SFRP4: variants seen among roughly 807,000 people sequenced by gnomAD.
SFRP4 encodes the protein secreted frizzled-related protein 4.
SFRP4 carries 25 observed loss-of-function variants against 36.3 expected under a neutral mutation model. The observed-to-expected ratio is 0.69, with a 90% confidence interval of 0.50 to 0.96. SFRP4 has a LOEUF of 0.96. Ranked by LOEUF, SFRP4 falls within the 40% of genes least tolerant of loss-of-function variation. The pLI, the probability that SFRP4 is intolerant of heterozygous loss-of-function variation, is 0.00. For synonymous variants in SFRP4, 182 were observed against 168.8 expected (o/e 1.08, Z -0.60); for missense variants, 487 against 459.6 (o/e 1.06, Z -0.54).
Position 37,906,986 on chromosome 7 carries a change from T to A in SFRP4, c.*493A>T, listed in dbSNP as rs1035814549. 6.6e-6 allele frequency: 1 copy of A among 152,308 alleles called. No individual in the cohort carries two copies. The highest frequency in any genetic ancestry group is 2.4e-5 in the African/African-American group (1 of 41,460). The allele number at this position is 152,308 out of a possible 1,614,324, so 9.4% of individuals were successfully genotyped here. ...TGCAGACCATAAACACATAAAGATC[T>A]TTTAGACATTCATTCCACTACTGTT... On this transcript the variant is annotated 3_prime_UTR_variant, in exon 6 of 6. Transcript: ENST00000436072.
rs139103759 is a variant in SFRP4, at chr7:37,916,451, G to T, written c.87C>A (p.Ile29=). Residue 29 remains isoleucine (I), a synonymous_variant, in exon 1 of 6, where the codon ATC becomes ATA. Coordinates refer to ENST00000436072, the MANE Select transcript of SFRP4 (RefSeq NM_003014.4). The surrounding 1 kb of genome is among the most constrained non-coding windows in gnomAD (Gnocchi z 4.1). ...VRGAPCEAVR[I]PMCRHMPWNI... is the part of the protein sequence containing the mutation. ...TCCAGGGCATGTGCCGGCACATAGG[G>T]ATGCGCACCGCCTCGCAGGGCGCGC... 2 of 1,613,640 alleles carry T rather than the reference G, an allele frequency of 1.2e-6. No individual in the cohort carries two copies. Among genetic ancestry groups the T allele is most frequent in the Admixed American group, 3.3e-5 (2 of 59,996 alleles).
chr7:37,907,404 C>T lies in SFRP4; in HGVS notation c.*75G>A. 1 of 1,326,472 alleles carries T rather than the reference C, an allele frequency of 7.5e-7. No homozygotes were observed. Among genetic ancestry groups the T allele is most frequent in the Non-Finnish European group, 1.1e-6 (1 of 948,160 alleles). The allele number at this position is 1,326,472 out of a possible 1,614,324, so 82.2% of individuals were successfully genotyped here. On this transcript the variant is annotated 3_prime_UTR_variant, in exon 6 of 6. Transcript: ENST00000436072. The stretch of plus-strand genomic sequence containing the variant: ...TTAGGGCAAGGGGCACATGGCCTTA[C>T]ATAGGCTGTCCCAGGCAATGCCCAG...
At chr7:37,909,907 G>T in intron 4 of SFRP4, 1 of 287,884 alleles carries the variant, frequency 3.5e-6, no homozygotes, top group Non-Finnish European at 6.4e-6. Context: ...ATTTCCTTTT[G>T]TCATTATATG....
chr7:37,907,234 G>A lies in SFRP4; in HGVS notation c.*245C>T, dbSNP rs1454141901. 2.5e-6 allele frequency: 1 copy of A among 398,862 alleles called. No homozygotes were observed. Among genetic ancestry groups the A allele is most frequent in the Non-Finnish European group, 4.5e-6 (1 of 224,446 alleles). 24.7% of individuals were successfully genotyped at this position (398,862 alleles called of 1,614,324 possible). On this transcript the variant is annotated 3_prime_UTR_variant, in exon 6 of 6. Transcript: ENST00000436072. ...GGTTACTCTGAATGCAATGCAATAA[G>A]CCTTTTCCACCAGCTTTAACTCACC...
Position 37,916,486 on chromosome 7 carries a change from C to T in SFRP4, c.52G>A (p.Gly18Ser). The T allele has an allele frequency of 6.2e-7, 1 of 1,612,730 alleles. No homozygotes were observed. The highest frequency in any genetic ancestry group is 8.5e-7 in the Non-Finnish European group (1 of 1,179,576). The change falls in exon 1 of 6, where the codon GGC becomes AGC. Residue 18 changes from glycine (G) to serine (S), a missense_variant. Transcript: ENST00000436072. The surrounding 1 kb of genome is among the most constrained non-coding windows in gnomAD (Gnocchi z 4.1). Reference protein sequence around the residue: ...ALCLWLHLALGVRGAPCEAVR... With the variant: ...ALCLWLHLALSVRGAPCEAVR... ...GCCTCGCAGGGCGCGCCGCGCACGC[C>T]CAGCGCCAGGTGCAGCCACAGGCAC...
At position 37,907,860 on chromosome 7, in the gene SFRP4, G is replaced by A. The variant is rs190754950; in HGVS notation, c.856-196C>T. Among the ~76,000 whole-genome samples the A allele has an allele frequency of 3.9e-5, 6 of 152,280 alleles. No homozygotes were observed. The East Asian group carries it at 1.2e-3, about 29-fold the overall frequency. ...TCAGTGTGTGATGAAGTTTCCACAT[G>A]CATTCATTTCATTGAAACAACAGTC... On this transcript the variant is annotated intron_variant, in intron 5 of 5. Transcript: ENST00000436072.
At chr7:37,910,488 T>C (rs1162856374) in intron 4 of SFRP4, among the ~76,000 whole-genome samples, 1 of 152,004 alleles carries the variant, frequency 6.6e-6, no homozygotes, top group Admixed American at 6.6e-5. Context: ...TCATTATTTG[T>C]GATTTTTATA....
In SFRP4 at chr7:37,906,087, A is replaced by G. The variant is rs932526661; in HGVS notation, c.*1392T>C. On this transcript the variant is annotated 3_prime_UTR_variant, in exon 6 of 6. Transcript: ENST00000436072. Reference sequence around the variant, plus strand: ...TTTCTTGACAGGAAAACTTATCTCAATAAAGGGCCAAGCAAAGGAGGCAGG... The same window carrying G: ...TTTCTTGACAGGAAAACTTATCTCAGTAAAGGGCCAAGCAAAGGAGGCAGG... 6.6e-6 allele frequency: 1 copy of G among 152,174 alleles called. No homozygotes were observed. Among genetic ancestry groups the G allele is most frequent in the African/African-American group, 2.4e-5 (1 of 41,438 alleles). 9.4% of individuals were successfully genotyped at this position (152,174 alleles called of 1,614,324 possible).
chr7:37,916,183 A>G lies in SFRP4; in HGVS notation c.355T>C (p.Trp119Arg), dbSNP rs368945306. 2.8e-5 allele frequency: 45 copies of G among 1,614,048 alleles called. No homozygotes were observed. The highest frequency in any genetic ancestry group is 3.7e-5 in the Non-Finnish European group (44 of 1,180,050). The change falls in exon 1 of 6, where the codon TGG (tryptophan) becomes CGG (arginine). Residue 119 changes from tryptophan (W) to arginine (R), a missense_variant. Coordinates refer to ENST00000436072, the MANE Select transcript of SFRP4 (RefSeq NM_003014.4). The surrounding 1 kb of genome is among the most constrained non-coding windows in gnomAD (Gnocchi z 4.1). ...TCGTCGCAGGCCAGGCTTTCGGGCC[A>G]GCTGTGGTTGTACATCTTCATGAGG... ...EPLMKMYNHSWPESLACDELP... is the reference protein window; with the variant it reads ...EPLMKMYNHSRPESLACDELP...
At position 37,912,293 on chromosome 7, in the gene SFRP4, A is replaced by G. The variant is rs1785505733; in HGVS notation, c.617T>C (p.Val206Ala). The G allele has an allele frequency of 6.2e-7, 1 of 1,614,118 alleles. No homozygotes were observed. The highest frequency in any genetic ancestry group is 8.5e-7 in the Non-Finnish European group (1 of 1,179,928). ...SYVIHAKIKA[V>A]QRSGCNEVTT... The stretch of plus-strand genomic sequence containing the variant: ...GACCTCATTGCAGCCACTCCTCTGC[A>G]CAGCTTTTATTTTGGCATGAATAAC... The change falls in exon 4 of 6, where the codon GTG becomes GCG. Residue 206 changes from valine (V) to alanine (A), a missense_variant. Transcript: ENST00000436072.
Position 37,916,099 on chromosome 7 carries a change from G to C in SFRP4, c.439C>G (p.Pro147Ala). ...ATCCTTCCTACGGCCTCACCCTCCG[G>C]GAGGTCCGTGACGATGGCTTCAGGC... ...ISPEAIVTDL[P>A]EDVKWIDITP... Residue 147 changes from proline (P) to alanine (A), a missense_variant, in exon 1 of 6, where the codon CCG (proline) becomes GCG (alanine). Physicochemically the swap from Pro to Ala is conservative, Grantham distance 27. Transcript: ENST00000436072. This position sits in a 1 kb window ranked among gnomAD's most constrained non-coding sequence, Gnocchi z 4.1. 2 of 1,611,124 alleles carry C rather than the reference G, an allele frequency of 1.2e-6. No individual in the cohort carries two copies. Among genetic ancestry groups the C allele is most frequent in the Non-Finnish European group, 1.7e-6 (2 of 1,177,848 alleles).
chr7:37,915,691 G>A (rs2131990300), intron 1 of SFRP4, among the ~76,000 whole-genome samples: 1 of 152,042 alleles, frequency 6.6e-6, no homozygotes, highest in South Asian at 2.1e-4. Flanking sequence ...AAGAAGTAGC[G>A]CTAAATGGAA....
chr7:37,916,673 T>C lies in SFRP4; in HGVS notation c.-136A>G. On this transcript the variant is annotated 5_prime_UTR_variant, in exon 1 of 6. Coordinates refer to ENST00000436072, the MANE Select transcript of SFRP4 (RefSeq NM_003014.4). This position sits in a 1 kb window ranked among gnomAD's most constrained non-coding sequence, Gnocchi z 4.1. ...GAGAGTTTCTTCCCCCAAACTCCAGTCGGCAGCAAAGCGGGGCCGCGGGGT... is the reference window on the plus strand; with the variant it reads ...GAGAGTTTCTTCCCCCAAACTCCAGCCGGCAGCAAAGCGGGGCCGCGGGGT... 7.4e-7 allele frequency: 1 copy of C among 1,344,792 alleles called. No individual in the cohort carries two copies. Among genetic ancestry groups the C allele is most frequent in the Non-Finnish European group, 9.9e-7 (1 of 1,010,006 alleles). The allele number at this position is 1,344,792 out of a possible 1,614,324, so 83.3% of individuals were successfully genotyped here. A position where few individuals can be genotyped will look rare whatever the true frequency, so the allele number is the denominator to read the frequency against.
At position 37,912,203 on chromosome 7, in the gene SFRP4, G is replaced by A. The variant is rs773522363; in HGVS notation, c.707C>T (p.Pro236Leu). Residue 236 changes from proline to leucine, a missense_variant, in exon 4 of 6, where the codon CCG (proline) becomes CTG (leucine). Pro to Leu is a moderately conservative substitution (Grantham distance 98, BLOSUM62 -3). Transcript: ENST00000436072. ...SSSPIPRTQV[P>L]LITNSSCQCP... is the part of the protein sequence containing the mutation. Reference sequence around the variant, plus strand: ...CTGGCAAGAAGAATTTGTAATGAGCGGGACTTGAGTTCGAGGGATGGGTGA... The same window carrying A: ...CTGGCAAGAAGAATTTGTAATGAGCAGGACTTGAGTTCGAGGGATGGGTGA... 9 of 1,614,104 alleles carry A rather than the reference G, an allele frequency of 5.6e-6. No individual in the cohort carries two copies. The highest frequency in any genetic ancestry group is 3.3e-5 in the Admixed American group (2 of 60,018).
chr7:37,911,107 A>C (rs920870132), intron 4 of SFRP4, among the ~76,000 whole-genome samples: 1 of 152,238 alleles, frequency 6.6e-6, no homozygotes, highest in African/African-American at 2.4e-5. Flanking sequence ...CTAGCACTGC[A>C]GCAGATGCAA....
rs1415225723 is a variant in SFRP4 at position 37,906,636 on chromosome 7, T to C, written c.*843A>G. 1 of 152,128 alleles carries C rather than the reference T, an allele frequency of 6.6e-6. No individual in the cohort carries two copies. Among genetic ancestry groups the C allele is most frequent in the Non-Finnish European group, 1.5e-5 (1 of 68,018 alleles). The allele number at this position is 152,128 out of a possible 1,614,324, so 9.4% of individuals were successfully genotyped here. ...TGGGAAGTAAGATGAGTGACATACCTCTCTTGTGGGTATAAAATACTTGAG... is the reference window on the plus strand; with the variant it reads ...TGGGAAGTAAGATGAGTGACATACCCCTCTTGTGGGTATAAAATACTTGAG... On this transcript the variant is annotated 3_prime_UTR_variant, in exon 6 of 6. Coordinates refer to ENST00000436072, the MANE Select transcript of SFRP4 (RefSeq NM_003014.4).
intron 5 of SFRP4, 52 bp downstream of exon 5, chr7:37,909,565 A>G: frequency 1.9e-6 from 2 of 1,043,934 alleles, no homozygotes; most frequent in Non-Finnish European, 2.7e-6. Flanking sequence ...CTCTAAAGAA[A>G]TCTGTTATGT....
At chr7:37,912,402 C>G (rs1175549298) in intron 3 of SFRP4, 85 bp from the exon 4 acceptor site, 40 of 1,077,778 alleles carry the variant, frequency 3.7e-5, no homozygotes, top group Admixed American at 1.4e-4. Flanking sequence ...TTCTGAGCCT[C>G]TCTTAAAGAA....
chr7:37,909,102 A>G (rs974027862), intron 5 of SFRP4, among the ~76,000 whole-genome samples: 1 of 152,300 alleles, frequency 6.6e-6, no homozygotes, highest in African/African-American at 2.4e-5. Flanking sequence ...TGAATTACCA[A>G]TATTTCTACG....
Sources: allele counts gnomAD v4.1 joint callset (sites outside exome capture counted in the v4.1 genomes callset), GRCh38; gene constraint gnomAD v4.1.1; non-coding constraint Gnocchi (gnomAD v3.1); transcripts MANE v1.5; gene names NCBI Gene and HGNC (gene_info 2026-07-23, HGNC 2026-07-21).